GRID1: variants seen among roughly 807,000 people sequenced by gnomAD.
The protein encoded by GRID1 is glutamate ionotropic receptor delta type subunit 1.
GRID1 carries 28 observed loss-of-function variants against 98.0 expected under a neutral mutation model. The ratio of observed to expected loss-of-function variants is 0.29; its 90% confidence interval spans 0.21 to 0.39. GRID1 has a LOEUF of 0.39. Ranked by LOEUF, GRID1 falls within the 10% of genes least tolerant of loss-of-function variation. GRID1 has a pLI of 1.00. For missense variants in GRID1, 1,111 were observed against 1,340.5 expected, an observed-to-expected ratio of 0.83 and a Z score of 2.67; for synonymous variants, 553 against 538.5, an observed-to-expected ratio of 1.03 and a Z score of -0.37.
intron 2 of GRID1, among the ~76,000 whole-genome samples, chr10:86,264,950 G>T (rs943362754): frequency 1.3e-5 from 2 of 152,274 alleles, no homozygotes; most frequent in Admixed American, 1.3e-4. Context: ...ATAGCTATCT[G>T]CCATCAAGGC....
chr10:86,231,992 C>T (rs555418490), intron 2 of GRID1, among the ~76,000 whole-genome samples: 198 of 148,562 alleles, frequency 1.3e-3, no homozygotes, highest in Non-Finnish European at 2.4e-3. Context: ...CCCGTGTATC[C>T]GCATGGACAT....
chr10:85,774,253 G>T (rs1264673273), intron 8 of GRID1, among the ~76,000 whole-genome samples: 1 of 152,126 alleles, frequency 6.6e-6, no homozygotes, highest in Non-Finnish European at 1.5e-5. Context: ...AAATGGTGCT[G>T]GGAAAACTGG....
chr10:85,917,647 C>T (rs74320958), intron 4 of GRID1, among the ~76,000 whole-genome samples: 77 of 152,350 alleles, frequency 5.1e-4, no homozygotes, highest in Non-Finnish European at 9.4e-4. Context: ...CCTGTGCCAA[C>T]GACCCCACAA....
chr10:86,363,817 C>A (rs545345695), intron 2 of GRID1, 124 bp downstream of exon 2: 19 of 805,068 alleles, frequency 2.4e-5, no homozygotes, highest in Admixed American at 1.9e-4. Context: ...GCGCATGGCA[C>A]CGCGGCTGCC....
intron 12 of GRID1, among the ~76,000 whole-genome samples, chr10:85,672,638 T>C (rs1452742026): frequency 6.6e-6 from 1 of 151,852 alleles, no homozygotes; most frequent in Non-Finnish European, 1.5e-5. Context: ...ACAAGGCCTG[T>C]GTGATAGCAC....
chr10:85,787,648 A>G (rs990689578), intron 8 of GRID1, among the ~76,000 whole-genome samples: 29 of 152,298 alleles, frequency 1.9e-4, no homozygotes, highest in Admixed American at 1.3e-3. Flanking sequence ...TGAGACACAC[A>G]GGACCACCCA....
intron 4 of GRID1, among the ~76,000 whole-genome samples, chr10:86,124,637 G>C (rs1844724779): frequency 6.6e-6 from 1 of 152,078 alleles, no homozygotes; most frequent in South Asian, 2.1e-4. Flanking sequence ...TATTTGTTTA[G>C]TGTCTGACCA....
chr10:85,934,121 T>C (rs993888277), intron 4 of GRID1, among the ~76,000 whole-genome samples: 2 of 152,062 alleles, frequency 1.3e-5, no homozygotes, highest in African/African-American at 2.4e-5. Context: ...GAACAGATAG[T>C]GCATGCAGTC....
At chr10:85,982,674 A>G (rs1397565063) in intron 4 of GRID1, among the ~76,000 whole-genome samples, 2 of 152,176 alleles carry the variant, frequency 1.3e-5, no homozygotes, top group Non-Finnish European at 2.9e-5. Context: ...CCAGTATCAC[A>G]TGGGTATCCA....
chr10:85,730,563 G>A (rs1841811273), intron 8 of GRID1, among the ~76,000 whole-genome samples: 1 of 152,098 alleles, frequency 6.6e-6, no homozygotes, highest in African/African-American at 2.4e-5. Context: ...CTAGGTCACT[G>A]GGCCTCCAAC....
At chr10:85,941,625 G>A (rs1264133717) in intron 4 of GRID1, among the ~76,000 whole-genome samples, 6 of 152,138 alleles carry the variant, frequency 3.9e-5, no homozygotes, top group Non-Finnish European at 8.8e-5. Flanking sequence ...TTCAGTGTAG[G>A]AAATTAAACT....
At chr10:85,831,306 G>A (rs536338829) in intron 8 of GRID1, among the ~76,000 whole-genome samples, 5 of 152,028 alleles carry the variant, frequency 3.3e-5, no homozygotes, top group African/African-American at 4.8e-5. Context: ...GTGGGAGGGA[G>A]AGGATTGAAA....
chr10:85,640,727 G>C (rs894249666), intron 13 of GRID1, among the ~76,000 whole-genome samples: 4 of 152,224 alleles, frequency 2.6e-5, no homozygotes, highest in Non-Finnish European at 4.4e-5. Flanking sequence ...TGTGCAATGA[G>C]AGCAACCCTG....
chr10:86,262,596 G>C (rs931285508), intron 2 of GRID1, among the ~76,000 whole-genome samples: 1 of 152,160 alleles, frequency 6.6e-6, no homozygotes, highest in Non-Finnish European at 1.5e-5. Flanking sequence ...CTCTTATTAC[G>C]TGCTCTGGAC....
At chr10:86,043,676 G>A (rs576832733) in intron 4 of GRID1, among the ~76,000 whole-genome samples, 12 of 152,274 alleles carry the variant, frequency 7.9e-5, no homozygotes, top group East Asian at 7.7e-4. Context: ...AAACCGCTCC[G>A]GAACTGTACA....
chr10:85,635,601 G>A (rs750002159), intron 13 of GRID1, among the ~76,000 whole-genome samples: 29 of 152,208 alleles, frequency 1.9e-4, no homozygotes, highest in Non-Finnish European at 4.1e-4. Context: ...GCCTACCTCT[G>A]CCCTCAGCCA....
intron 8 of GRID1, among the ~76,000 whole-genome samples, chr10:85,752,369 C>T (rs1413828088): frequency 6.6e-6 from 1 of 152,140 alleles, no homozygotes; most frequent in Non-Finnish European, 1.5e-5. Flanking sequence ...ATTTCCTGTA[C>T]ATGACCCCTG....
Position 86,334,883 on chromosome 10 carries a change from C to T in GRID1, c.235+29058G>A, listed in dbSNP as rs1407537739. The stretch of plus-strand genomic sequence containing the variant: ...GTTAAATCCACTGCCATCTCCTGGC[C>T]AGCCAGCGGTGCTGGCAGGTAAACC... On this transcript the variant is annotated intron_variant, in intron 2 of 15. Transcript: ENST00000327946. Among the ~76,000 whole-genome samples, 7 of 152,352 alleles carry T rather than the reference C, an allele frequency of 4.6e-5. No individual in the cohort carries two copies. In the South Asian group the frequency reaches 1.0e-3, roughly 23 times the overall value.
chr10:85,669,297 T>C (rs946910661), intron 12 of GRID1, among the ~76,000 whole-genome samples: 1 of 152,190 alleles, frequency 6.6e-6, no homozygotes, highest in African/African-American at 2.4e-5. Context: ...AGCCAGGCAA[T>C]GTGTAGAGCA....
Sources: allele counts gnomAD v4.1 joint callset (sites outside exome capture counted in the v4.1 genomes callset), GRCh38; gene constraint gnomAD v4.1.1; transcripts MANE v1.5; gene names NCBI Gene and HGNC (gene_info 2026-07-23, HGNC 2026-07-21).